The following ASTN2 variants were observed in gnomAD, a reference collection of about 807,000 sequenced individuals.
The protein encoded by ASTN2 is astrotactin 2, also known as astrotactin-2.
ASTN2 carries 54 observed loss-of-function variants against 139.8 expected under a neutral mutation model. The ratio of observed to expected loss-of-function variants is 0.39; its 90% CI spans 0.31 to 0.48. ASTN2 has a LOEUF of 0.48. Ranked by LOEUF, ASTN2 falls within the 20% of genes least tolerant of loss-of-function variation. The probability of loss-of-function intolerance (pLI) is 0.95; values close to 1 mark genes in which losing one functional copy is unlikely to be tolerated. For missense variants in ASTN2, 1,565 were observed against 1,725.1 expected (o/e 0.91, Z 1.64); for synonymous variants, 756 against 719.5 (o/e 1.05, Z -0.81).
At position 116,700,275 on chromosome 9, in the gene ASTN2, G is replaced by T. The variant is rs957394452; in HGVS notation, c.2806+25496C>A. 1.8e-5 allele frequency: 3 copies of T among 171,124 alleles called. No homozygotes were observed. The Admixed American group carries it at 1.9e-4, about 11-fold the overall frequency. The allele number at this position is 171,124 out of a possible 1,614,324, so 10.6% of individuals were successfully genotyped here. Reference sequence around the variant, plus strand: ...GTCATTCATTTAGTGCTACCAAAGGGGATACACAAGCCCTTTAGGAAGCAG... The same window carrying T: ...GTCATTCATTTAGTGCTACCAAAGGTGATACACAAGCCCTTTAGGAAGCAG... On this transcript the variant is annotated intron_variant, in intron 16 of 22. Transcript: ENST00000313400.
At chr9:117,060,515 A>C (rs1839253547) in intron 5 of ASTN2, among the ~76,000 whole-genome samples, 1 of 125,326 alleles carries the variant, frequency 8.0e-6, no homozygotes, top group South Asian at 2.9e-4. Context: ...GAAAGAAAGG[A>C]AGGAAGGAAG....
chr9:116,838,924 A>C (rs1293510401), intron 11 of ASTN2, among the ~76,000 whole-genome samples: 1 of 152,138 alleles, frequency 6.6e-6, no homozygotes, highest in Admixed American at 6.6e-5. Flanking sequence ...AAAATGGGGA[A>C]TTTTCTTGGA....
chr9:117,298,485 T>A (rs1834788625), intron 1 of ASTN2, among the ~76,000 whole-genome samples: 1 of 152,104 alleles, frequency 6.6e-6, no homozygotes, highest in Non-Finnish European at 1.5e-5. Flanking sequence ...CAAATGAGGA[T>A]AATAACAGCA....
intron 2 of ASTN2, among the ~76,000 whole-genome samples, chr9:117,252,643 T>C (rs1394743831): frequency 6.6e-6 from 1 of 152,214 alleles, no homozygotes; most frequent in Non-Finnish European, 1.5e-5. Context: ...AGATATGTCT[T>C]GTACTATTTA....
At chr9:116,514,996 C>T (rs1850582598) in intron 19 of ASTN2, among the ~76,000 whole-genome samples, 1 of 152,012 alleles carries the variant, frequency 6.6e-6, no homozygotes, top group African/African-American at 2.4e-5. Context: ...GTGCTGCACC[C>T]ACTGTCCTGC....
chr9:116,584,521 G>C (rs987088564), intron 19 of ASTN2: 2 of 152,108 alleles, frequency 1.3e-5, no homozygotes, highest in Admixed American at 6.6e-5. Flanking sequence ...AGCTTTTGCA[G>C]CAAACTAGAA....
intron 1 of ASTN2, among the ~76,000 whole-genome samples, chr9:117,354,527 C>G (rs1352913096): frequency 6.6e-6 from 1 of 152,216 alleles, no homozygotes; most frequent in African/African-American, 2.4e-5. Context: ...TAACTACTCC[C>G]TCTTGTGTGC....
intron 5 of ASTN2, among the ~76,000 whole-genome samples, chr9:117,058,319 C>T (rs1324927905): frequency 6.6e-6 from 1 of 152,166 alleles, no homozygotes; most frequent in Non-Finnish European, 1.5e-5. Context: ...GTGCAGAGAA[C>T]AAGATGGGCA....
intron 20 of ASTN2, among the ~76,000 whole-genome samples, chr9:116,445,251 T>C (rs1325661208): frequency 2.6e-5 from 4 of 152,206 alleles, no homozygotes. Context: ...TCACAGACAG[T>C]GCATGGCTGT....
intron 16 of ASTN2, among the ~76,000 whole-genome samples, chr9:116,674,750 T>C (rs539111190): frequency 2.0e-5 from 3 of 152,264 alleles, no homozygotes; most frequent in South Asian, 2.1e-4. Context: ...TCATCTGATC[T>C]TGTGGCCCTG....
At chr9:117,183,095 C>A (rs1345043454) in intron 3 of ASTN2, among the ~76,000 whole-genome samples, 1 of 152,166 alleles carries the variant, frequency 6.6e-6, no homozygotes, top group South Asian at 2.1e-4. Flanking sequence ...CAAGTATCCC[C>A]TTTCTTCTCC....
At chr9:116,813,527 C>A (rs1207031003) in intron 12 of ASTN2, among the ~76,000 whole-genome samples, 1 of 152,148 alleles carries the variant, frequency 6.6e-6, no homozygotes, top group Non-Finnish European at 1.5e-5. Context: ...TTACAAATGA[C>A]CTCTTCCTAT....
chr9:117,362,107 T>C (rs1829708503), intron 1 of ASTN2, among the ~76,000 whole-genome samples: 2 of 152,158 alleles, frequency 1.3e-5, no homozygotes. Flanking sequence ...CCCAAGTGGC[T>C]GGTATTACAG....
chr9:117,371,317 A>G (rs942067902), intron 1 of ASTN2, among the ~76,000 whole-genome samples: 1 of 152,192 alleles, frequency 6.6e-6, no homozygotes, highest in African/African-American at 2.4e-5. Context: ...TCATCCCAAC[A>G]TAAAAACTAA....
At chr9:116,969,213 T>C (rs1836111615) in intron 10 of ASTN2, among the ~76,000 whole-genome samples, 1 of 152,132 alleles carries the variant, frequency 6.6e-6, no homozygotes, top group South Asian at 2.1e-4. Context: ...CACCATAGCT[T>C]AGAGATGAGG....
intron 10 of ASTN2, among the ~76,000 whole-genome samples, chr9:116,966,623 T>G (rs1392791656): frequency 6.6e-6 from 1 of 150,594 alleles, no homozygotes; most frequent in African/African-American, 2.5e-5. Context: ...CTGGAAAGAG[T>G]GGAGGGCATA....
chr9:117,048,495 G>A (rs918914545), intron 5 of ASTN2, among the ~76,000 whole-genome samples: 2 of 152,180 alleles, frequency 1.3e-5, no homozygotes, highest in African/African-American at 4.8e-5. Flanking sequence ...TGCAGGCCTA[G>A]ATTGTGGCTG....
chr9:117,060,723 C>A (rs998557832), intron 5 of ASTN2, among the ~76,000 whole-genome samples: 1 of 151,536 alleles, frequency 6.6e-6, no homozygotes, highest in African/African-American at 2.4e-5. Flanking sequence ...GAAACCCCGT[C>A]TCCACTAAAA....
chr9:116,816,084 A>G (rs1029016824), intron 12 of ASTN2, among the ~76,000 whole-genome samples: 1 of 152,100 alleles, frequency 6.6e-6, no homozygotes, highest in Admixed American at 6.5e-5. Context: ...TGAGCTTCTG[A>G]AACCATTTTC....
Sources: allele counts gnomAD v4.1 joint callset (sites outside exome capture counted in the v4.1 genomes callset), GRCh38; gene constraint gnomAD v4.1.1; transcripts MANE v1.5; gene names NCBI Gene and HGNC (gene_info 2026-07-23, HGNC 2026-07-21).